The following MAGI2 variants were observed in gnomAD, a reference collection of about 807,000 sequenced individuals.
MAGI2 encodes membrane associated guanylate kinase, WW and PDZ domain containing 2, also known as membrane-associated guanylate kinase, WW and PDZ domain-containing protein 2.
MAGI2 carries 35 observed loss-of-function variants against 133.3 expected under a neutral mutation model. The observed-to-expected ratio is 0.26, with a 90% CI of 0.20 to 0.35. The LOEUF is 0.35. MAGI2 is among the 10% of genes least tolerant of loss of function. The pLI is 1.00. For synonymous variants in MAGI2, 729 were observed against 710.6 expected (o/e 1.03, Z -0.41); for missense variants, 1,636 against 1,863.4 (o/e 0.88, Z 2.25).
chr7:78,721,794 A>G (rs1820292851), intron 2 of MAGI2, among the ~76,000 whole-genome samples: 1 of 152,012 alleles, frequency 6.6e-6, no homozygotes, highest in African/African-American at 2.4e-5. Context: ...AGTCTAATTT[A>G]TAAACCCAAA....
At chr7:78,077,870 T>C (rs374078301) in intron 21 of MAGI2, among the ~76,000 whole-genome samples, 5 of 151,792 alleles carry the variant, frequency 3.3e-5, no homozygotes, top group African/African-American at 1.2e-4. Context: ...CATGGGATTA[T>C]AGGCATGTGC....
chr7:78,587,648 G>A (rs772601887), intron 3 of MAGI2, among the ~76,000 whole-genome samples: 7 of 152,162 alleles, frequency 4.6e-5, no homozygotes, highest in South Asian at 4.1e-4. Context: ...GATGACGCTC[G>A]TGCCATTTGA....
At chr7:78,754,756 A>G (rs1278685227) in intron 2 of MAGI2, among the ~76,000 whole-genome samples, 1 of 152,238 alleles carries the variant, frequency 6.6e-6, no homozygotes, top group Non-Finnish European at 1.5e-5. Flanking sequence ...ACGATTCACT[A>G]AAATGGATCA....
chr7:79,409,698 A>T (rs916956849), intron 1 of MAGI2, among the ~76,000 whole-genome samples: 1 of 152,048 alleles, frequency 6.6e-6, no homozygotes, highest in South Asian at 2.1e-4. Flanking sequence ...GTCACAATAG[A>T]TCTCTCCCAT....
chr7:78,243,749 T>C (rs527742692), intron 10 of MAGI2, among the ~76,000 whole-genome samples: 1 of 152,118 alleles, frequency 6.6e-6, no homozygotes, highest in African/African-American at 2.4e-5. Flanking sequence ...CAAAAACGGG[T>C]CAACTGAAAT....
rs190458595 is a variant in MAGI2, at chr7:79,226,472, C to T, written c.302-219266G>A. On this transcript the variant is annotated intron_variant, in intron 1 of 21. Transcript: ENST00000354212. ...CACTGATAAATTATAAGACCCATAA[C>T]AAATAGCATAAAAACTGGCTTCTAA... 8.5e-4 allele frequency among the ~76,000 whole-genome samples: 130 copies of T among 152,192 alleles called. 2 individuals carry two copies. Among genetic ancestry groups the T allele is most frequent in the African/African-American group, 2.9e-3 (122 of 41,552 alleles).
At chr7:78,307,439 A>G (rs900417706) in intron 9 of MAGI2, among the ~76,000 whole-genome samples, 1 of 152,224 alleles carries the variant, frequency 6.6e-6, no homozygotes, top group East Asian at 1.9e-4. Flanking sequence ...AGGCTTAATT[A>G]TATAGATTGC....
chr7:78,447,106 T>G (rs189982136), intron 6 of MAGI2, among the ~76,000 whole-genome samples: 272 of 152,218 alleles, frequency 1.8e-3, no homozygotes, highest in African/African-American at 6.5e-3. Flanking sequence ...AGGATAATAC[T>G]TGGTATTAAT....
intron 2 of MAGI2, among the ~76,000 whole-genome samples, chr7:78,692,869 CA>C (rs1225087606): frequency 1.3e-5 from 2 of 152,142 alleles, no homozygotes; most frequent in African/African-American, 2.4e-5. Flanking sequence ...CCTTTGGTTA[CA>C]ATTTAAAAGC....
intron 2 of MAGI2, among the ~76,000 whole-genome samples, chr7:78,903,442 G>A (rs948557599): frequency 1.3e-5 from 2 of 151,768 alleles, no homozygotes; most frequent in Non-Finnish European, 1.5e-5. Flanking sequence ...TGATCCGCCC[G>A]CCTCGGCCTC....
At chr7:78,024,491 C>T (rs536489907) in intron 21 of MAGI2, among the ~76,000 whole-genome samples, 1 of 152,314 alleles carries the variant, frequency 6.6e-6, no homozygotes, top group South Asian at 2.1e-4. Context: ...GTGAATGGCA[C>T]AGTCATCACT....
chr7:78,355,081 A>T (rs1317336994), intron 7 of MAGI2, among the ~76,000 whole-genome samples: 1 of 152,236 alleles, frequency 6.6e-6, no homozygotes. Flanking sequence ...TATAATTAAC[A>T]TACTATGTCT....
intron 1 of MAGI2, among the ~76,000 whole-genome samples, chr7:79,424,860 T>C (rs749574507): frequency 3.9e-5 from 6 of 152,180 alleles, no homozygotes; most frequent in Non-Finnish European, 7.3e-5. Flanking sequence ...AAATTAATTA[T>C]ATTATACCTG....
At chr7:78,618,625 G>T (rs1807364441) in intron 3 of MAGI2, 1 of 151,846 alleles carries the variant, frequency 6.6e-6, no homozygotes. Flanking sequence ...GACAACTGAA[G>T]TGTCAATCAT....
intron 1 of MAGI2, among the ~76,000 whole-genome samples, chr7:79,127,281 A>T (rs1820505791): frequency 1.3e-5 from 2 of 152,176 alleles, no homozygotes; most frequent in African/African-American, 4.8e-5. Context: ...GTGTCTTTAT[A>T]GCACATGATT....
chr7:78,259,929 T>G (rs759132320), intron 9 of MAGI2, among the ~76,000 whole-genome samples: 2 of 152,208 alleles, frequency 1.3e-5, no homozygotes, highest in African/African-American at 2.4e-5. Context: ...TTTGTGTTTC[T>G]TAGTAAGACT....
chr7:78,894,918 A>G (rs1563636227), intron 2 of MAGI2, among the ~76,000 whole-genome samples: 1 of 152,218 alleles, frequency 6.6e-6, no homozygotes, highest in Non-Finnish European at 1.5e-5. Flanking sequence ...ACTTTGAAAC[A>G]GAGATCTTAA....
intron 1 of MAGI2, among the ~76,000 whole-genome samples, chr7:79,008,258 C>T (rs992756984): frequency 1.3e-5 from 2 of 152,070 alleles, no homozygotes; most frequent in African/African-American, 4.8e-5. Context: ...TTCTGAGTCT[C>T]AGAATTAGAA....
In MAGI2 at chr7:78,482,494, A is replaced by G. The variant is rs138068357; in HGVS notation, c.1045+7267T>C. Among the ~76,000 whole-genome samples, 830 of 152,004 alleles carry G rather than the reference A, an allele frequency of 5.5e-3. 4 individuals are homozygous for G. The highest frequency in any genetic ancestry group is 0.016 in the African/African-American group (674 of 41,528). On this transcript the variant is annotated intron_variant, in intron 6 of 21. Coordinates refer to ENST00000354212, the MANE Select transcript of MAGI2 (RefSeq NM_012301.4). ...TCATATTAGCCAAAAACTGGATACA[A>G]CCCACAAGTCCTTCAATGGGTACCC... is the stretch of plus-strand genomic sequence containing the variant.
Sources: gnomAD v4.1 joint callset for allele counts (sites outside exome capture counted in the v4.1 genomes callset) on GRCh38, gnomAD v4.1.1 for gene constraint, MANE v1.5 for transcripts, NCBI Gene and HGNC (gene_info 2026-07-23, HGNC 2026-07-21) for gene names.